Variants in STARD13 observed in about 807,000 individuals in gnomAD.
The protein encoded by STARD13 is StAR related lipid transfer domain containing 13, also known as stAR-related lipid transfer protein 13.
A neutral mutation model predicts 106.4 loss-of-function variants in STARD13; 62 were observed. The observed-to-expected ratio is 0.58, with a 90% CI of 0.48 to 0.72. The LOEUF (loss-of-function observed/expected upper bound fraction) is 0.72. STARD13 is among the 30% of genes least tolerant of loss of function. The pLI is 0.00. For missense variants in STARD13, 1,387 were observed against 1,424.0 expected, an observed-to-expected ratio of 0.97 and a Z score of 0.42; for synonymous variants, 565 against 553.0, an observed-to-expected ratio of 1.02 and a Z score of -0.31.
the STARD13 span, among the ~76,000 whole-genome samples, chr13:33,485,897 G>T: frequency 6.6e-6 from 1 of 152,060 alleles, no homozygotes; most frequent in East Asian, 1.9e-4. Context: ...AATTAGACTG[G>T]GCTAAAATAA....
At chr13:33,119,487 C>T (rs754489856) in intron 7 of STARD13, among the ~76,000 whole-genome samples, 3 of 152,112 alleles carry the variant, frequency 2.0e-5, no homozygotes, top group Non-Finnish European at 2.9e-5. Context: ...CACCCAAGTT[C>T]GGGTATGTGA....
At chr13:33,465,764 T>C in the STARD13 span, among the ~76,000 whole-genome samples, 2 of 152,152 alleles carry the variant, frequency 1.3e-5, no homozygotes, top group African/African-American at 4.8e-5. Flanking sequence ...AATTACACTA[T>C]ATGTTACATA....
the STARD13 span, among the ~76,000 whole-genome samples, chr13:33,553,907 A>G: frequency 3.9e-5 from 6 of 152,042 alleles, no homozygotes; most frequent in South Asian, 8.3e-4. Context: ...AAAATTTCCC[A>G]ATAATTATAT....
intron 1 of STARD13, among the ~76,000 whole-genome samples, chr13:33,173,690 T>G (rs906534205): frequency 1.3e-5 from 2 of 152,238 alleles, no homozygotes; most frequent in African/African-American, 4.8e-5. Flanking sequence ...ATACAGGTTA[T>G]TTGGAATGAA....
chr13:33,195,735 C>T (rs1038851357), intron 1 of STARD13, among the ~76,000 whole-genome samples: 3 of 152,112 alleles, frequency 2.0e-5, no homozygotes, highest in East Asian at 1.9e-4. Flanking sequence ...TGAAGGAAGG[C>T]GGTAAGAAGG....
At chr13:33,526,663 A>T in the STARD13 span, among the ~76,000 whole-genome samples, 1 of 152,056 alleles carries the variant, frequency 6.6e-6, no homozygotes, top group Non-Finnish European at 1.5e-5. Context: ...TTCTCTCTGT[A>T]CCTAAGTTCC....
the STARD13 span, among the ~76,000 whole-genome samples, chr13:33,382,952 CTTTA>C: frequency 2.2e-3 from 333 of 152,288 alleles, 1 homozygote; most frequent in African/African-American, 7.8e-3. Flanking sequence ...CCAGGCAGTA[CTTTA>C]TTTATATACG....
chr13:33,287,381 C>G (rs945499756), upstream of STARD13, among the ~76,000 whole-genome samples: 11 of 152,142 alleles, frequency 7.2e-5, no homozygotes, highest in Non-Finnish European at 1.6e-4. Flanking sequence ...TACTACCTCA[C>G]GTAGTTGGTA....
At chr13:33,528,169 T>TTATATATATATA in the STARD13 span, among the ~76,000 whole-genome samples, 56 of 129,042 alleles carry the variant, frequency 4.3e-4, no homozygotes, top group African/African-American at 1.7e-3. Context: ...TAAGCTAATA[T>TTATATATATATA]TATATATATA....
the STARD13 span, among the ~76,000 whole-genome samples, chr13:33,566,401 G>A: frequency 6.8e-6 from 1 of 147,656 alleles, no homozygotes. Context: ...TGATAAGAAG[G>A]AACTGCTTTA....
At chr13:33,375,728 C>T in the STARD13 span, among the ~76,000 whole-genome samples, 11 of 152,182 alleles carry the variant, frequency 7.2e-5, no homozygotes, top group African/African-American at 2.6e-4. Context: ...CAATTACCTC[C>T]CACTGGATCT....
At chr13:33,492,135 G>A in the STARD13 span, among the ~76,000 whole-genome samples, 5 of 152,174 alleles carry the variant, frequency 3.3e-5, no homozygotes, top group African/African-American at 1.2e-4. Context: ...AATGTCATCA[G>A]TTAAGGCAGG....
Position 33,129,760 on chromosome 13 carries a change from A to G in STARD13, c.917T>C (p.Ile306Thr), listed in dbSNP as rs1877948301. The change falls in exon 5 of 14, where the codon ATA becomes ACA. Residue 306 changes from isoleucine to threonine, a missense_variant. Transcript: ENST00000336934. ...ESFKAMQCIQIPNGDLQNSPP... is the reference protein window; with the variant it reads ...ESFKAMQCIQTPNGDLQNSPP... Reference sequence around the variant, plus strand: ...CGAATTCTGGAGATCTCCATTTGGTATTTGGATGCACTGCATAGCCTTAAA... The same window carrying G: ...CGAATTCTGGAGATCTCCATTTGGTGTTTGGATGCACTGCATAGCCTTAAA... 1 of 1,613,874 alleles carries G rather than the reference A, an allele frequency of 6.2e-7. No homozygotes were observed.
downstream of STARD13, among the ~76,000 whole-genome samples, chr13:33,346,156 A>G (rs1471551751): frequency 5.3e-5 from 8 of 152,200 alleles, no homozygotes; most frequent in African/African-American, 1.9e-4. Flanking sequence ...CTGCCAGCCA[A>G]CAGCCAGAGA....
At chr13:33,525,696 G>T in the STARD13 span, among the ~76,000 whole-genome samples, 10 of 152,042 alleles carry the variant, frequency 6.6e-5, no homozygotes, top group Non-Finnish European at 2.9e-5. Flanking sequence ...TTCTGTCTTG[G>T]CATATTCCGT....
At chr13:33,520,812 C>T in the STARD13 span, among the ~76,000 whole-genome samples, 3 of 152,116 alleles carry the variant, frequency 2.0e-5, no homozygotes, top group African/African-American at 7.2e-5. Context: ...CATGCCCCCA[C>T]CACCTGGGGC....
intron 1 of STARD13, among the ~76,000 whole-genome samples, chr13:33,209,020 T>C (rs1395514895): frequency 2.6e-5 from 4 of 152,198 alleles, no homozygotes; most frequent in Non-Finnish European, 5.9e-5. Context: ...ATGTTGGTGA[T>C]AAGCACCAGA....
the STARD13 span, among the ~76,000 whole-genome samples, chr13:33,536,078 C>T: frequency 7.8e-4 from 118 of 152,134 alleles, no homozygotes; most frequent in Non-Finnish European, 1.3e-3. Context: ...ATTCCATTTT[C>T]CGTGTGTGCA....
At chr13:33,165,218 C>A in intron 3 of STARD13, 119 bp downstream of exon 3, 1 of 777,646 alleles carries the variant, frequency 1.3e-6, no homozygotes, top group South Asian at 1.5e-5. Context: ...GCACCTGGGT[C>A]AGGCACATGG....
Sources: allele counts gnomAD v4.1 joint callset (sites outside exome capture counted in the v4.1 genomes callset), GRCh38; gene constraint gnomAD v4.1.1; transcripts MANE v1.5; gene names NCBI Gene and HGNC (gene_info 2026-07-23, HGNC 2026-07-21).